OR11H4: variants seen among roughly 807,000 people sequenced by gnomAD.
OR11H4 encodes olfactory receptor 11H4.
For synonymous variants in OR11H4, 162 were observed against 142.3 expected, an observed-to-expected ratio of 1.14 and a Z score of -0.98; for missense variants, 460 against 371.1, an observed-to-expected ratio of 1.24 and a Z score of -1.97.
intron 1 of OR11H4, 192 bp from the exon 2 acceptor site, chr14:20,242,619 A>G: frequency 1.6e-6 from 1 of 627,158 alleles, no homozygotes; most frequent in Non-Finnish European, 2.7e-6. Context: ...ATTGGATTCT[A>G]GCAAAATAAC....
Position 20,243,088 on chromosome 14 carries a change from C to T in OR11H4, c.267C>T (p.Thr89=), listed in dbSNP as rs149609864. ...TGCTAGTCAACATTCTCTCCAAGAC[C>T]AAGGCCATCTCATTTTCTGGGTGCT... ...PNMLVNILSK[T]KAISFSGCFL... The change falls in exon 2 of 2, where the codon ACC becomes ACT. Residue 89 remains threonine (T), a synonymous_variant. Coordinates refer to ENST00000641082, the MANE Select transcript of OR11H4 (RefSeq NM_001004479.2). 2.3e-4 allele frequency: 376 copies of T among 1,613,972 alleles called. 1 individual carries two copies. The highest frequency in any genetic ancestry group is 4.0e-5 in the African/African-American group (3 of 74,898).
chr14:20,242,687 T>A (rs1880960861), intron 1 of OR11H4, 124 bp from the exon 2 acceptor site: 5 of 1,104,228 alleles, frequency 4.5e-6, no homozygotes, highest in Non-Finnish European at 6.5e-6. Flanking sequence ...TGGTCTCAGA[T>A]TATCTCATGT....
rs141455412 is a variant in OR11H4 at position 20,243,763 on chromosome 14, G to A, written c.942G>A (p.Ser314=). 5.5e-5 allele frequency: 86 copies of A among 1,570,052 alleles called. No individual in the cohort carries two copies. The East Asian group carries it at 1.2e-3, about 22-fold the overall frequency. ...VLFGMRIRQN[S] ...TTGGAATGAGAATTCGTCAAAATTC[G>A]TGAGCCAAAGATGTGCCATACTTAC... The change falls in exon 2 of 2, where the codon TCG becomes TCA. Residue 314 remains serine (S), a synonymous_variant. Coordinates refer to ENST00000641082, the MANE Select transcript of OR11H4 (RefSeq NM_001004479.2).
At chr14:20,239,610 C>T (rs1489247647) in intron 1 of OR11H4, among the ~76,000 whole-genome samples, 2 of 151,828 alleles carry the variant, frequency 1.3e-5, no homozygotes, top group Non-Finnish European at 2.9e-5. Context: ...AGAAGAATGG[C>T]GTGAACCCGG....
At position 20,242,812 on chromosome 14, in the gene OR11H4, C is replaced by T; in HGVS notation, c.-10C>T. ...CACTCATGTCTTTCTTCTTTGTAGA[C>T]TTAAGACCCATGAACAGGTCAGCAA... On this transcript the variant is annotated splice_region_variant and 5_prime_UTR_variant, in exon 2 of 2. Coordinates refer to ENST00000641082, the MANE Select transcript of OR11H4 (RefSeq NM_001004479.2). 2 of 1,613,414 alleles carry T rather than the reference C, an allele frequency of 1.2e-6. No individual in the cohort carries two copies. Among genetic ancestry groups the T allele is most frequent in the Non-Finnish European group, 1.7e-6 (2 of 1,179,586 alleles).
intron 1 of OR11H4, among the ~76,000 whole-genome samples, chr14:20,240,579 C>CT (rs34514476): frequency 0.02 from 2,099 of 105,264 alleles, 23 homozygotes; most frequent in African/African-American, 0.051. Flanking sequence ...AAACTACCTT[C>CT]TTTTTTTTTT....
Position 20,243,237 on chromosome 14 carries a change from G to C in OR11H4, c.416G>C (p.Arg139Thr). 1 of 1,614,124 alleles carries C rather than the reference G, an allele frequency of 6.2e-7. No individual in the cohort carries two copies. The highest frequency in any genetic ancestry group is 8.5e-7 in the Non-Finnish European group (1 of 1,180,028). ...CAGTACCCTGCCATCATGACTGTAA[G>C]GTTCTGTGGTAAGCTGGTGTCTTTC... ...PLQYPAIMTV[R>T]FCGKLVSFCW... The change falls in exon 2 of 2, where the codon AGG becomes ACG. Residue 139 changes from arginine (R) to threonine (T), a missense_variant. Arg to Thr is a moderately conservative substitution (Grantham distance 71, BLOSUM62 -1). Transcript: ENST00000641082.
chr14:20,241,372 ATTTT>A (rs36217806), intron 1 of OR11H4, among the ~76,000 whole-genome samples: 24,423 of 151,962 alleles, frequency 0.16, 2,558 homozygotes, highest in African/African-American at 0.3. Context: ...AACCAATTTT[ATTTT>A]TTTCAGTTAT....
At chr14:20,242,083 T>C (rs141959748) in intron 1 of OR11H4, among the ~76,000 whole-genome samples, 1 of 151,914 alleles carries the variant, frequency 6.6e-6, no homozygotes, top group Non-Finnish European at 1.5e-5. Flanking sequence ...TTCCTCTATC[T>C]CAACTGCAAG....
chr14:20,239,747 A>G (rs568746281), intron 1 of OR11H4, among the ~76,000 whole-genome samples: 1 of 152,108 alleles, frequency 6.6e-6, no homozygotes, highest in African/African-American at 2.4e-5. Flanking sequence ...TTGTAGCTCA[A>G]ATAATGATAT....
Position 20,243,567 on chromosome 14 carries a change from C to A in OR11H4, c.746C>A (p.Ser249Tyr), listed in dbSNP as rs1880991447. 1 of 1,613,304 alleles carries A rather than the reference C, an allele frequency of 6.2e-7. No individual in the cohort carries two copies. The highest frequency in any genetic ancestry group is 8.5e-7 in the Non-Finnish European group (1 of 1,179,750). The change falls in exon 2 of 2, where the codon TCT (serine) becomes TAT (tyrosine). Residue 249 changes from serine to tyrosine, a missense_variant. Physicochemically the swap from Ser to Tyr is moderately radical, Grantham distance 144 (BLOSUM62 -2). Coordinates refer to ENST00000641082, the MANE Select transcript of OR11H4 (RefSeq NM_001004479.2). The stretch of plus-strand genomic sequence containing the variant: ...TGTGGTTCTCATTTGGTTGTGGTAT[C>A]TCTTTTCTATGGGACAGTCATGGTA... ...STCGSHLVVV[S>Y]LFYGTVMVMY... is the part of the protein sequence containing the mutation.
chr14:20,240,692 T>C (rs1880895929), intron 1 of OR11H4, among the ~76,000 whole-genome samples: 1 of 151,584 alleles, frequency 6.6e-6, no homozygotes, highest in Admixed American at 6.6e-5. Flanking sequence ...ATTCTTCTGC[T>C]TGGCCTCCCA....
At chr14:20,240,836 A>G (rs1318581131) in intron 1 of OR11H4, among the ~76,000 whole-genome samples, 1 of 152,124 alleles carries the variant, frequency 6.6e-6, no homozygotes, top group Non-Finnish European at 1.5e-5. Flanking sequence ...TTGGCCTCTC[A>G]AATTGCTGGA....
rs377517409 is a variant in OR11H4 at position 20,242,895 on chromosome 14, T to C, written c.74T>C (p.Ile25Thr). ...TTCCCTGGTTGCTGGAAGATTCAGA[T>C]TTTCCTCTTCTCATTGTTTTTGGTG... is the stretch of plus-strand genomic sequence containing the variant. Reference protein sequence around the residue: ...LGFPGCWKIQIFLFSLFLVIY... With the variant: ...LGFPGCWKIQTFLFSLFLVIY... The change falls in exon 2 of 2, where the codon ATT (isoleucine) becomes ACT (threonine). Residue 25 changes from isoleucine to threonine, a missense_variant. By Grantham distance (89) the Ile-to-Thr change is moderately conservative (BLOSUM62 -1). Coordinates refer to ENST00000641082, the MANE Select transcript of OR11H4 (RefSeq NM_001004479.2). 2.5e-6 allele frequency: 4 copies of C among 1,614,014 alleles called. No individual in the cohort carries two copies. Among genetic ancestry groups the C allele is most frequent in the African/African-American group, 1.3e-5 (1 of 74,902 alleles).
In OR11H4 at chr14:20,242,827, C is replaced by T; in HGVS notation, c.6C>T (p.Asn2=). 4 of 1,613,868 alleles carry T rather than the reference C, an allele frequency of 2.5e-6. No homozygotes were observed. The Middle Eastern group carries it at 5.0e-4, about 200-fold the overall frequency. M[N]RSATHIVTEF... ...TCTTTGTAGACTTAAGACCCATGAACAGGTCAGCAACACACATCGTGACAG... is the reference window on the plus strand; with the variant it reads ...TCTTTGTAGACTTAAGACCCATGAATAGGTCAGCAACACACATCGTGACAG... The change falls in exon 2 of 2, where the codon AAC becomes AAT. Residue 2 remains asparagine (N), a synonymous_variant. Coordinates refer to ENST00000641082, the MANE Select transcript of OR11H4 (RefSeq NM_001004479.2).
At chr14:20,242,754 G>A (rs1880962738) in intron 1 of OR11H4, 57 bp from the exon 2 acceptor site, 2 of 1,569,528 alleles carry the variant, frequency 1.3e-6, no homozygotes, top group Non-Finnish European at 8.6e-7. Flanking sequence ...TACGTAGCAA[G>A]CAATTGGATT....
chr14:20,241,988 T>C (rs1451703267), intron 1 of OR11H4, among the ~76,000 whole-genome samples: 2 of 152,062 alleles, frequency 1.3e-5, no homozygotes, highest in Non-Finnish European at 2.9e-5. Context: ...GGGCGGTTTT[T>C]CTCCTATCTC....
chr14:20,243,927 A>G lies in OR11H4; in HGVS notation c.*161A>G. ...TATGTTTCCAGCACTGACTCTTTAAACCTTAATTAACTGGTCTTCAACATC... is the reference window on the plus strand; with the variant it reads ...TATGTTTCCAGCACTGACTCTTTAAGCCTTAATTAACTGGTCTTCAACATC... On this transcript the variant is annotated 3_prime_UTR_variant, in exon 2 of 2. Transcript: ENST00000641082. The G allele has an allele frequency of 1.7e-6, 1 of 576,858 alleles. No homozygotes were observed. The highest frequency in any genetic ancestry group is 3.0e-5 in the East Asian group (1 of 32,832). 35.7% of individuals were successfully genotyped at this position (576,858 alleles called of 1,614,324 possible).
rs747490235 is a variant in OR11H4, at chr14:20,243,152, G to A, written c.331G>A (p.Glu111Lys). Residue 111 changes from glutamate to lysine, a missense_variant, in exon 2 of 2, where the codon GAA (glutamate) becomes AAA (lysine). By Grantham distance (56) the Glu-to-Lys change is moderately conservative. Coordinates refer to ENST00000641082, the MANE Select transcript of OR11H4 (RefSeq NM_001004479.2). ...FYFFFSLGTT[E>K]CLFLAVMAYD... ...TTTCTTCTTTTCACTGGGAACAACT[G>A]AATGTCTCTTTCTGGCAGTAATGGC... 1.2e-6 allele frequency: 2 copies of A among 1,614,176 alleles called. No individual in the cohort carries two copies. Among genetic ancestry groups the A allele is most frequent in the Admixed American group, 1.7e-5 (1 of 60,026 alleles).
Sources: gnomAD v4.1 joint callset for allele counts (sites outside exome capture counted in the v4.1 genomes callset) on GRCh38, gnomAD v4.1.1 for gene constraint, MANE v1.5 for transcripts, NCBI Gene and HGNC (gene_info 2026-07-23, HGNC 2026-07-21) for gene names.